Variants in ADAMTS2 observed in about 807,000 individuals in gnomAD.
ADAMTS2 encodes the protein ADAM metallopeptidase with thrombospondin type 1 motif 2, also known as A disintegrin and metalloproteinase with thrombospondin motifs 2.
A neutral mutation model predicts 123.0 loss-of-function variants in ADAMTS2; 50 were observed. The ratio of observed to expected loss-of-function variants is 0.41; its 90% CI spans 0.32 to 0.51. The LOEUF (loss-of-function observed/expected upper bound fraction) is 0.51. ADAMTS2 is among the 20% of genes least tolerant of loss of function. The pLI, the probability that ADAMTS2 is intolerant of heterozygous loss-of-function variation, is 0.35. For synonymous variants in ADAMTS2, 678 were observed against 695.4 expected (o/e 0.98, Z 0.39); for missense variants, 1,494 against 1,705.2 (o/e 0.88, Z 2.18).
At chr5:179,310,399 C>T (rs1000253376) in intron 2 of ADAMTS2, among the ~76,000 whole-genome samples, 1 of 152,198 alleles carries the variant, frequency 6.6e-6, no homozygotes, top group East Asian at 1.9e-4. Flanking sequence ...TTTCCGAAGC[C>T]CCCCCATAGG....
chr5:179,207,475 T>TACCCCC lies in ADAMTS2; in HGVS notation c.891+37_891+38insGGGGGT. 3.6e-5 allele frequency: 21 copies of TACCCCC among 588,608 alleles called. 1 individual carries two copies. The highest frequency in any genetic ancestry group is 1.1e-4 in the East Asian group (3 of 26,530). 36.5% of individuals were successfully genotyped at this position (588,608 alleles called of 1,614,324 possible). The stretch of plus-strand genomic sequence containing the variant: ...GGCCTGCCCAGCCCCTGGTTGACCC[T>TACCCCC]CCCCGCCCCACCCTGCCCCCTCAGC... On this transcript the variant is annotated intron_variant, in intron 4 of 21. Transcript: ENST00000251582.
chr5:179,342,202 C>T (rs1022004340), intron 2 of ADAMTS2, among the ~76,000 whole-genome samples: 8 of 152,350 alleles, frequency 5.3e-5, no homozygotes, highest in African/African-American at 1.7e-4. Flanking sequence ...TGCTCTCCAT[C>T]AGGAATGCAT....
At chr5:179,140,799 C>CT (rs770094463) in intron 10 of ADAMTS2, among the ~76,000 whole-genome samples, 8,200 of 90,150 alleles carry the variant, frequency 0.091, 1,115 homozygotes, top group African/African-American at 0.19. Context: ...ACTGCATGCT[C>CT]TTTTTTTTTT....
intron 2 of ADAMTS2, among the ~76,000 whole-genome samples, chr5:179,284,330 A>AAAAC (rs797014880): frequency 1.3e-5 from 2 of 152,074 alleles, no homozygotes; most frequent in East Asian, 1.9e-4. Context: ...CTCCATCTCA[A>AAAAC]AAACAAACAA....
At chr5:179,168,074 T>C (rs1457588261) in intron 5 of ADAMTS2, among the ~76,000 whole-genome samples, 1 of 152,170 alleles carries the variant, frequency 6.6e-6, no homozygotes, top group Non-Finnish European at 1.5e-5. Context: ...TGGGTTCTGG[T>C]GAGCAGACCA....
intron 5 of ADAMTS2, among the ~76,000 whole-genome samples, chr5:179,178,962 T>C (rs1763989103): frequency 6.6e-6 from 1 of 152,214 alleles, no homozygotes; most frequent in African/African-American, 2.4e-5. Context: ...GCAGTCCTAA[T>C]ATTCTCTTTC....
Position 179,125,073 on chromosome 5 carries a change from G to T in ADAMTS2, c.2858C>A (p.Ser953Tyr). The T allele has an allele frequency of 2.5e-6, 4 of 1,611,208 alleles. No individual in the cohort carries two copies. Among genetic ancestry groups the T allele is most frequent in the Non-Finnish European group, 3.4e-6 (4 of 1,179,548 alleles). ...GTCATTGCAGTGCTTGGCGTGCACG[G>T]AGCGGGTGGTGTTGTCGTGTAGCGG... ...IQPLHDNTTR[S>Y]VHAKHCNDAR... The change falls in exon 19 of 22, where the codon TCC (serine) becomes TAC (tyrosine). Residue 953 changes from serine (S) to tyrosine (Y), a missense_variant. By Grantham distance (144) the Ser-to-Tyr change is moderately radical (BLOSUM62 -2). Coordinates refer to ENST00000251582, the MANE Select transcript of ADAMTS2 (RefSeq NM_014244.5).
chr5:179,113,556 T>A lies in ADAMTS2; in HGVS notation c.*311A>T. ...TCACTGCTTAGCAACTTGGGGCCTA[T>A]TTTTGTTCTCTCAGAGTGATCCCTC... On this transcript the variant is annotated 3_prime_UTR_variant, in exon 22 of 22. Coordinates refer to ENST00000251582, the MANE Select transcript of ADAMTS2 (RefSeq NM_014244.5). 1 of 400,786 alleles carries A rather than the reference T, an allele frequency of 2.5e-6. No homozygotes were observed. Among genetic ancestry groups the A allele is most frequent in the East Asian group, 5.1e-5 (1 of 19,574 alleles). 24.8% of individuals were successfully genotyped at this position (400,786 alleles called of 1,614,324 possible). A position where few individuals can be genotyped will look rare whatever the true frequency, so the allele number is the denominator to read the frequency against.
chr5:179,165,951 C>T (rs769405347), intron 5 of ADAMTS2, among the ~76,000 whole-genome samples: 15 of 152,256 alleles, frequency 9.9e-5, no homozygotes, highest in African/African-American at 1.7e-4. Context: ...AGAGGCTGAT[C>T]GGATCCTCTA....
At chr5:179,195,572 G>A (rs1004050163) in intron 4 of ADAMTS2, among the ~76,000 whole-genome samples, 5 of 152,242 alleles carry the variant, frequency 3.3e-5, no homozygotes, top group African/African-American at 9.6e-5. Flanking sequence ...AAACACAAGC[G>A]AGTGGAACCA....
intron 2 of ADAMTS2, among the ~76,000 whole-genome samples, chr5:179,330,108 G>T (rs1390022216): frequency 2.0e-5 from 3 of 148,890 alleles, no homozygotes; most frequent in Non-Finnish European, 4.5e-5. Context: ...AGTCCGGCCT[G>T]GGCGACAGAG....
chr5:179,328,760 T>C (rs1018848977), intron 2 of ADAMTS2, among the ~76,000 whole-genome samples: 2 of 152,202 alleles, frequency 1.3e-5, no homozygotes, highest in African/African-American at 2.4e-5. Flanking sequence ...AAAGACCCTA[T>C]TGACAATGGC....
intron 3 of ADAMTS2, among the ~76,000 whole-genome samples, chr5:179,267,984 G>C (rs1241672649): frequency 2.0e-5 from 3 of 152,234 alleles, no homozygotes; most frequent in Non-Finnish European, 4.4e-5. Flanking sequence ...CAAGCCAGCT[G>C]TTGCCGACTC....
chr5:179,126,902 TG>T (rs1762870493), intron 17 of ADAMTS2, among the ~76,000 whole-genome samples: 1 of 50,228 alleles, frequency 2.0e-5, no homozygotes, highest in Non-Finnish European at 5.9e-5. Flanking sequence ...TGGGACATGG[TG>T]TGTATCCAGG....
Position 179,295,726 on chromosome 5 carries a change from G to A in ADAMTS2, c.535-22662C>T, listed in dbSNP as rs76111681. 8.6e-3 allele frequency among the ~76,000 whole-genome samples: 1,316 copies of A among 152,336 alleles called. 22 individuals are homozygous for A. Among genetic ancestry groups the A allele is most frequent in the African/African-American group, 0.029 (1,223 of 41,572 alleles). On this transcript the variant is annotated intron_variant, in intron 2 of 21. Transcript: ENST00000251582. ...ATTCTGAGCAGGGCAGAGGAGCCCC[G>A]TCCATGGCGGCTGGGGCAGTCCCGC...
rs569946476 is a variant in ADAMTS2, at chr5:179,311,068, G to A, written c.534+32699C>T. On this transcript the variant is annotated intron_variant, in intron 2 of 21. Coordinates refer to ENST00000251582, the MANE Select transcript of ADAMTS2 (RefSeq NM_014244.5). Reference sequence around the variant, plus strand: ...CCCCAACCCACCGAGTGCAGGGCCCGTTGACTCCTATCTCAACAACAACAG... The same window carrying A: ...CCCCAACCCACCGAGTGCAGGGCCCATTGACTCCTATCTCAACAACAACAG... 2.3e-3 allele frequency among the ~76,000 whole-genome samples: 257 copies of A among 113,642 alleles called. 1 individual carries two copies. The highest frequency in any genetic ancestry group is 8.2e-3 in the African/African-American group (243 of 29,562). 74.6% of individuals were successfully genotyped at this position (113,642 alleles called of 152,430 possible).
rs1764136366 is a variant in ADAMTS2, at chr5:179,185,007, G to A, written c.892-3852C>T. Among the ~76,000 whole-genome samples the A allele has an allele frequency of 6.6e-6, 1 of 152,188 alleles. No individual in the cohort carries two copies. Among genetic ancestry groups the A allele is most frequent in the Non-Finnish European group, 1.5e-5 (1 of 68,032 alleles). ...CAGAACAGGGTAGCTCAGCAAAGCA[G>A]GGATGGCGCTCCTGGCAGAGGAGGC... On this transcript the variant is annotated intron_variant, in intron 4 of 21. Coordinates refer to ENST00000251582, the MANE Select transcript of ADAMTS2 (RefSeq NM_014244.5). The surrounding 1 kb of genome is among the most constrained non-coding windows in gnomAD (Gnocchi z 5.9).
chr5:179,136,420 C>A (rs1200180137), intron 12 of ADAMTS2, among the ~76,000 whole-genome samples: 1 of 152,180 alleles, frequency 6.6e-6, no homozygotes, highest in Non-Finnish European at 1.5e-5. Context: ...AATCCCAGCG[C>A]TTTGGGAGGC....
At chr5:179,136,134 A>G in intron 12 of ADAMTS2, 92 bp from the exon 13 acceptor site, 1 of 1,598,816 alleles carries the variant, frequency 6.3e-7, no homozygotes, top group Non-Finnish European at 8.6e-7. Context: ...AATTTCCACA[A>G]GGGTCCCCAC....
Sources: allele counts gnomAD v4.1 joint callset (sites outside exome capture counted in the v4.1 genomes callset), GRCh38; gene constraint gnomAD v4.1.1; non-coding constraint Gnocchi (gnomAD v3.1); transcripts MANE v1.5; gene names NCBI Gene and HGNC (gene_info 2026-07-23, HGNC 2026-07-21).